OR14I1: variants seen among roughly 807,000 people sequenced by gnomAD.
The protein encoded by OR14I1 is olfactory receptor 14I1.
For missense variants in OR14I1, 279 were observed against 181.8 expected, an observed-to-expected ratio of 1.53 and a Z score of -3.07; for synonymous variants, 118 against 71.1, an observed-to-expected ratio of 1.66 and a Z score of -3.32.
chr1:248,686,014 AGTT>A (rs1467947410), upstream of OR14I1, among the ~76,000 whole-genome samples: 1 of 151,624 alleles, frequency 6.6e-6, no homozygotes, highest in African/African-American at 2.4e-5. Context: ...AAAACTTAGT[AGTT>A]AACACATTGG....
the OR14I1 span, among the ~76,000 whole-genome samples, chr1:248,700,370 A>T: frequency 1.3e-5 from 2 of 152,242 alleles, no homozygotes; most frequent in African/African-American, 4.8e-5. Context: ...TCAAATGTCA[A>T]TTGATATAAA....
upstream of OR14I1, among the ~76,000 whole-genome samples, chr1:248,684,536 C>A (rs1661611265): frequency 6.6e-6 from 1 of 152,010 alleles, no homozygotes; most frequent in African/African-American, 2.4e-5. Flanking sequence ...ACGTTTAAAC[C>A]CCTAATTACC....
chr1:248,688,211 C>T, the OR14I1 span, among the ~76,000 whole-genome samples: 1 of 152,158 alleles, frequency 6.6e-6, no homozygotes, highest in African/African-American at 2.4e-5. Context: ...TTAATTTGCC[C>T]AAACCAAGAA....
At chr1:248,678,606 CATTA>C (rs1661514109), downstream of OR14I1, among the ~76,000 whole-genome samples, 1 of 152,146 alleles carries the variant, frequency 6.6e-6, no homozygotes, top group Admixed American at 6.5e-5. Flanking sequence ...ACGCATATTT[CATTA>C]ATTATAGTTG....
the OR14I1 span, among the ~76,000 whole-genome samples, chr1:248,694,494 A>T: frequency 6.6e-6 from 1 of 152,134 alleles, no homozygotes; most frequent in Non-Finnish European, 1.5e-5. Context: ...ATCCAAATGC[A>T]TCTTTTCTTT....
At chr1:248,686,357 T>C (rs981702720), upstream of OR14I1, among the ~76,000 whole-genome samples, 9 of 152,320 alleles carry the variant, frequency 5.9e-5, no homozygotes, top group African/African-American at 1.9e-4. Context: ...TTGTATCTAA[T>C]CTATATGAAG....
At chr1:248,686,818 G>A (rs1661664097), upstream of OR14I1, among the ~76,000 whole-genome samples, 2 of 119,506 alleles carry the variant, frequency 1.7e-5, no homozygotes, top group African/African-American at 5.8e-5. Context: ...CTGGACCAAT[G>A]ATGATAAAGA....
At chr1:248,682,040 A>T (rs1224145959) in exon 1 of OR14I1, 4 of 780,940 alleles carry the variant, frequency 5.1e-6, no homozygotes, top group Admixed American at 5.1e-5. Context: ...TAAGAGATGG[A>T]GCTTCTGCGA....
chr1:248,685,014 T>A (rs1661623372), upstream of OR14I1, among the ~76,000 whole-genome samples: 2 of 152,100 alleles, frequency 1.3e-5, no homozygotes, highest in African/African-American at 4.8e-5. Flanking sequence ...TTTCATATTT[T>A]TAATATTATT....
chr1:248,689,328 G>A, the OR14I1 span, among the ~76,000 whole-genome samples: 2 of 152,172 alleles, frequency 1.3e-5, no homozygotes, highest in East Asian at 1.9e-4. Flanking sequence ...ACATGGAAGA[G>A]TTCTAGAGCC....
At chr1:248,691,943 G>C in the OR14I1 span, 1 of 152,340 alleles carries the variant, frequency 6.6e-6, no homozygotes, top group African/African-American at 2.4e-5. Context: ...CAGTGTTTCC[G>C]AGTCCCAGGT....
At chr1:248,698,406 C>T in the OR14I1 span, among the ~76,000 whole-genome samples, 2 of 152,122 alleles carry the variant, frequency 1.3e-5, no homozygotes, top group African/African-American at 4.8e-5. Flanking sequence ...AATGATAACT[C>T]AGACCAAGAA....
upstream of OR14I1, among the ~76,000 whole-genome samples, chr1:248,685,085 T>C (rs990175459): frequency 4.6e-5 from 7 of 152,130 alleles, no homozygotes; most frequent in Non-Finnish European, 1.0e-4. Flanking sequence ...TGCTTTTATA[T>C]TTTATATATT....
chr1:248,682,349 A>C (rs757587248), upstream of OR14I1: 92 of 692,396 alleles, frequency 1.3e-4, no homozygotes, highest in Middle Eastern at 2.5e-4. Flanking sequence ...AAAATATACA[A>C]TAGTTTTAAA....
upstream of OR14I1, among the ~76,000 whole-genome samples, chr1:248,684,175 T>G (rs1002691624): frequency 6.6e-6 from 1 of 152,144 alleles, no homozygotes; most frequent in Non-Finnish European, 1.5e-5. Context: ...ATGAGCAAAG[T>G]ATATGAACAA....
upstream of OR14I1, among the ~76,000 whole-genome samples, chr1:248,684,629 C>T (rs1661613181): frequency 6.6e-6 from 1 of 152,168 alleles, no homozygotes; most frequent in African/African-American, 2.4e-5. Flanking sequence ...GGATACTCTA[C>T]ATCAATATTG....
chr1:248,681,573 A>C, exon 1 of OR14I1: 2 of 781,012 alleles, frequency 2.6e-6, no homozygotes, highest in Non-Finnish European at 4.8e-6. Flanking sequence ...GCATGATGAC[A>C]ATGAGCTGGG....
the OR14I1 span, among the ~76,000 whole-genome samples, chr1:248,701,561 T>G: frequency 6.6e-6 from 1 of 152,236 alleles, no homozygotes; most frequent in Non-Finnish European, 1.5e-5. Flanking sequence ...TTTATAAATT[T>G]AGGGTTGATT....
downstream of OR14I1, among the ~76,000 whole-genome samples, chr1:248,680,563 A>G (rs1661540223): frequency 6.6e-6 from 1 of 152,334 alleles, no homozygotes; most frequent in Non-Finnish European, 1.5e-5. Flanking sequence ...CAAGGGACTC[A>G]CGCTCAGGTG....
Sources: gnomAD v4.1 joint callset for allele counts (sites outside exome capture counted in the v4.1 genomes callset) on GRCh38, gnomAD v4.1.1 for gene constraint, MANE v1.5 for transcripts, NCBI Gene and HGNC (gene_info 2026-07-23, HGNC 2026-07-21) for gene names.